The following SLC35F3 variants were observed in gnomAD, a reference collection of about 807,000 sequenced individuals.
SLC35F3 encodes putative thiamine transporter SLC35F3.
A neutral mutation model predicts 49.9 loss-of-function variants in SLC35F3; 25 were observed. The observed-to-expected ratio is 0.50, with a 90% CI of 0.37 to 0.70. SLC35F3 has a LOEUF of 0.70. Ranked by LOEUF, SLC35F3 falls within the 30% of genes least tolerant of loss-of-function variation. SLC35F3 has a pLI of 0.00. For missense variants in SLC35F3, 525 were observed against 639.8 expected (o/e 0.82, Z 1.94); for synonymous variants, 275 against 265.4 (o/e 1.04, Z -0.35).
At chr1:234,120,243 G>T (rs975094760) in intron 2 of SLC35F3, among the ~76,000 whole-genome samples, 7 of 152,126 alleles carry the variant, frequency 4.6e-5, no homozygotes, top group Admixed American at 4.6e-4. Context: ...TCGAAGTTGG[G>T]GTTTCCATTT....
intron 2 of SLC35F3, among the ~76,000 whole-genome samples, chr1:234,053,024 CT>C (rs1664401773): frequency 6.6e-6 from 1 of 152,148 alleles, no homozygotes; most frequent in African/African-American, 2.4e-5. Context: ...AATTTCTGTT[CT>C]TTTACATTTG....
intron 2 of SLC35F3, among the ~76,000 whole-genome samples, chr1:234,227,187 C>T (rs1207850016): frequency 1.3e-5 from 2 of 152,144 alleles, no homozygotes; most frequent in East Asian, 3.9e-4. Context: ...CCCAGAACTG[C>T]TGGCTAAAGT....
chr1:234,147,355 G>A (rs1572069610), intron 2 of SLC35F3, among the ~76,000 whole-genome samples: 1 of 148,080 alleles, frequency 6.8e-6, no homozygotes, highest in Non-Finnish European at 1.5e-5. Context: ...CCAATTTACT[G>A]TGTTTTTTGT....
intron 2 of SLC35F3, among the ~76,000 whole-genome samples, chr1:234,177,362 T>C (rs1666491523): frequency 6.6e-6 from 1 of 152,168 alleles, no homozygotes; most frequent in South Asian, 2.1e-4. Context: ...CTTCTAAGGC[T>C]TCAGGTTAAA....
At chr1:234,259,403 C>T (rs555649669) in intron 3 of SLC35F3, among the ~76,000 whole-genome samples, 10 of 152,178 alleles carry the variant, frequency 6.6e-5, no homozygotes, top group Non-Finnish European at 7.3e-5. Context: ...TCAATCCAGA[C>T]GGCCACACAC....
At chr1:234,139,951 T>TAAAATAAAATAAAATAAAATAAAATAA (rs149058447) in intron 2 of SLC35F3, among the ~76,000 whole-genome samples, 1 of 90,562 alleles carries the variant, frequency 1.1e-5, no homozygotes, top group Admixed American at 1.2e-4. Context: ...CATCTCAAAA[T>TAAAATAAAATAAAATAAAATAAAATAA]AATAAAATAA....
At chr1:234,040,446 T>A (rs908636582) in intron 2 of SLC35F3, among the ~76,000 whole-genome samples, 2 of 152,220 alleles carry the variant, frequency 1.3e-5, no homozygotes, top group East Asian at 3.9e-4. Flanking sequence ...CTTTTTGACT[T>A]GAAGGCCGGG....
At chr1:234,047,715 G>T (rs1664315478) in intron 2 of SLC35F3, among the ~76,000 whole-genome samples, 1 of 150,768 alleles carries the variant, frequency 6.6e-6, no homozygotes, top group Non-Finnish European at 1.5e-5. Flanking sequence ...ACACACACAG[G>T]ATCTGTTACT....
At chr1:233,944,047 G>A (rs1662473428) in intron 2 of SLC35F3, among the ~76,000 whole-genome samples, 1 of 152,162 alleles carries the variant, frequency 6.6e-6, no homozygotes, top group African/African-American at 2.4e-5. Flanking sequence ...TCAGTGTTAA[G>A]AGGGAAATTT....
intron 2 of SLC35F3, among the ~76,000 whole-genome samples, chr1:234,131,614 T>C (rs950983697): frequency 2.8e-4 from 42 of 152,200 alleles, no homozygotes; most frequent in African/African-American, 9.7e-4. Flanking sequence ...GAGCTCACAG[T>C]TGTAGCGAGC....
At chr1:234,127,393 G>A (rs760540219) in intron 2 of SLC35F3, among the ~76,000 whole-genome samples, 4 of 152,130 alleles carry the variant, frequency 2.6e-5, no homozygotes, top group Non-Finnish European at 5.9e-5. Context: ...AAATAGACAT[G>A]TACCCCCTCC....
chr1:234,102,587 G>A (rs923277746), intron 2 of SLC35F3, among the ~76,000 whole-genome samples: 15 of 152,304 alleles, frequency 9.8e-5, no homozygotes, highest in Middle Eastern at 3.4e-3. Context: ...AAGCCTTGGC[G>A]TGTTTCATTG....
intron 2 of SLC35F3, among the ~76,000 whole-genome samples, chr1:234,175,144 T>C (rs1487619146): frequency 6.6e-6 from 1 of 152,228 alleles, no homozygotes; most frequent in Non-Finnish European, 1.5e-5. Flanking sequence ...AGTTACCCTG[T>C]CCAATAAACT....
At chr1:234,273,442 C>G (rs560530715) in intron 3 of SLC35F3, among the ~76,000 whole-genome samples, 76 of 152,340 alleles carry the variant, frequency 5.0e-4, no homozygotes, top group African/African-American at 1.7e-3. Flanking sequence ...TGTCCTGCCC[C>G]CCTATCTGGA....
intron 2 of SLC35F3, among the ~76,000 whole-genome samples, chr1:233,966,683 A>G (rs938629140): frequency 2.6e-5 from 4 of 152,258 alleles, no homozygotes; most frequent in Non-Finnish European, 5.9e-5. Context: ...ACAGCAGAAA[A>G]CTAGAACTCA....
intron 2 of SLC35F3, among the ~76,000 whole-genome samples, chr1:234,019,791 C>T (rs978249265): frequency 7.9e-5 from 12 of 152,154 alleles, no homozygotes; most frequent in African/African-American, 2.2e-4. Context: ...ACATCTCTGG[C>T]GCAGTACATG....
intron 3 of SLC35F3, among the ~76,000 whole-genome samples, chr1:234,284,659 G>A (rs1357408707): frequency 6.6e-6 from 1 of 152,176 alleles, no homozygotes; most frequent in African/African-American, 2.4e-5. Flanking sequence ...GGGAAAGGAG[G>A]GGTTACTGAA....
At chr1:234,134,859 T>A (rs945183436) in intron 2 of SLC35F3, among the ~76,000 whole-genome samples, 1 of 152,162 alleles carries the variant, frequency 6.6e-6, no homozygotes, top group African/African-American at 2.4e-5. Flanking sequence ...GTAGCTGGCA[T>A]TACAGGCATG....
chr1:234,131,034 CAT>C (rs1665727987), intron 2 of SLC35F3, among the ~76,000 whole-genome samples: 1 of 152,022 alleles, frequency 6.6e-6, no homozygotes, highest in Non-Finnish European at 1.5e-5. Flanking sequence ...CAAACAAAAA[CAT>C]ATTGTACAAT....
Sources: allele counts gnomAD v4.1 joint callset (sites outside exome capture counted in the v4.1 genomes callset), GRCh38; gene constraint gnomAD v4.1.1; transcripts MANE v1.5; gene names NCBI Gene and HGNC (gene_info 2026-07-23, HGNC 2026-07-21).